CACNA1D: variants seen among roughly 807,000 people sequenced by gnomAD.
The protein encoded by CACNA1D is calcium voltage-gated channel subunit alpha1 D, also known as voltage-dependent L-type calcium channel subunit alpha-1D.
Under a neutral mutation model 257.1 loss-of-function variants are expected in CACNA1D, and 55 were observed. The observed-to-expected ratio is 0.21, with a 90% confidence interval of 0.17 to 0.27. The LOEUF (loss-of-function observed/expected upper bound fraction) is 0.27. Among genes scored for constraint, CACNA1D ranks in the 10% least tolerant of loss-of-function variants. The probability of loss-of-function intolerance (pLI) is 1.00; values close to 1 mark genes in which losing one functional copy is unlikely to be tolerated. For missense variants in CACNA1D, 1,876 were observed against 2,784.0 expected (o/e 0.67, Z 7.34); for synonymous variants, 980 against 1,014.9 (o/e 0.97, Z 0.65).
At chr3:53,685,440 ATTATAT>A (rs1438734776) in intron 8 of CACNA1D, among the ~76,000 whole-genome samples, 1 of 152,184 alleles carries the variant, frequency 6.6e-6, no homozygotes, top group Non-Finnish European at 1.5e-5. Flanking sequence ...TAATATCTAG[ATTATAT>A]TTAGATTGGT....
chr3:53,557,871 T>A (rs1299381568), intron 3 of CACNA1D, among the ~76,000 whole-genome samples: 1 of 152,244 alleles, frequency 6.6e-6, no homozygotes, highest in Non-Finnish European at 1.5e-5. Flanking sequence ...AATTTCAGAT[T>A]CAGCTTGCTG....
chr3:53,605,724 A>G (rs1316893594), intron 3 of CACNA1D, among the ~76,000 whole-genome samples: 1 of 152,218 alleles, frequency 6.6e-6, no homozygotes, highest in African/African-American at 2.4e-5. Context: ...GTCCTGTTTC[A>G]TGTTCACAGC....
intron 37 of CACNA1D, among the ~76,000 whole-genome samples, chr3:53,778,364 C>A (rs2095408778): frequency 6.6e-6 from 1 of 152,186 alleles, no homozygotes; most frequent in African/African-American, 2.4e-5. Context: ...GACTCAGGAA[C>A]TTACCAGGAA....
intron 20 of CACNA1D, 59 bp downstream of exon 20, chr3:53,735,562 C>A: frequency 6.3e-7 from 1 of 1,595,102 alleles, no homozygotes. Flanking sequence ...GGGCAGAGGC[C>A]ACTGTAGAGA....
chr3:53,532,966 A>G (rs1413515579), intron 3 of CACNA1D, among the ~76,000 whole-genome samples: 5 of 152,178 alleles, frequency 3.3e-5, no homozygotes, highest in Non-Finnish European at 5.9e-5. Flanking sequence ...TTCCTGTAAC[A>G]TTGGCCACAA....
intron 7 of CACNA1D, among the ~76,000 whole-genome samples, chr3:53,670,067 C>T (rs2094307851): frequency 6.6e-6 from 1 of 152,128 alleles, no homozygotes; most frequent in African/African-American, 2.4e-5. Context: ...GGTGTCTTGT[C>T]TTAGCACCAA....
chr3:53,598,038 G>A (rs1032599454), intron 3 of CACNA1D, among the ~76,000 whole-genome samples: 1 of 152,096 alleles, frequency 6.6e-6, no homozygotes. Context: ...GTTTTTCTAG[G>A]ACAGTATGAA....
chr3:53,623,708 GA>G (rs1327873775), intron 3 of CACNA1D, among the ~76,000 whole-genome samples: 1 of 152,122 alleles, frequency 6.6e-6, no homozygotes, highest in Non-Finnish European at 1.5e-5. Flanking sequence ...ATCAAATTCA[GA>G]AGAATACTTC....
chr3:53,568,179 T>A (rs1374962303), intron 3 of CACNA1D, among the ~76,000 whole-genome samples: 3 of 152,300 alleles, frequency 2.0e-5, no homozygotes, highest in African/African-American at 7.2e-5. Context: ...CAGACTTGCT[T>A]AGCTGCAGCT....
Position 53,811,334 on chromosome 3 carries a change from C to T in CACNA1D, c.6414C>T (p.Ser2138=), listed in dbSNP as rs748761511. The T allele has an allele frequency of 2.5e-5, 40 of 1,605,132 alleles. No homozygotes were observed. In the Admixed American group the frequency reaches 3.5e-4, roughly 14 times the overall value. ...TACAGGACTTTGGTCCTGGCTACAGCGACGAAGAGCCAGACCCTGGGAGGG... is the reference window on the plus strand; with the variant it reads ...TACAGGACTTTGGTCCTGGCTACAGTGACGAAGAGCCAGACCCTGGGAGGG... ...YELQDFGPGY[S]DEEPDPGRDE... Residue 2138 remains serine, a synonymous_variant, in exon 48 of 48, where the codon AGC becomes AGT. Coordinates refer to ENST00000350061, the MANE Select transcript of CACNA1D (RefSeq NM_001128840.3). This position sits in a 1 kb window ranked among gnomAD's most constrained non-coding sequence, Gnocchi z 4.2.
At chr3:53,572,619 C>T (rs1236844510) in intron 3 of CACNA1D, among the ~76,000 whole-genome samples, 1 of 152,034 alleles carries the variant, frequency 6.6e-6, no homozygotes, top group Non-Finnish European at 1.5e-5. Flanking sequence ...AGGCTGGTCT[C>T]GAACTCATAA....
intron 3 of CACNA1D, among the ~76,000 whole-genome samples, chr3:53,614,782 G>T (rs999879599): frequency 3.3e-5 from 5 of 152,190 alleles, no homozygotes; most frequent in Admixed American, 2.6e-4. Context: ...CTAGCAAGAT[G>T]CAGCTAACTT....
At chr3:53,698,122 C>G (rs932691433) in intron 8 of CACNA1D, among the ~76,000 whole-genome samples, 1 of 152,222 alleles carries the variant, frequency 6.6e-6, no homozygotes, top group African/African-American at 2.4e-5. Context: ...ACATATCAGC[C>G]TCTTTTAAAA....
intron 9 of CACNA1D, among the ~76,000 whole-genome samples, chr3:53,708,625 G>A (rs913376909): frequency 8.5e-5 from 13 of 152,208 alleles, no homozygotes; most frequent in African/African-American, 3.1e-4. Flanking sequence ...GCCCCACTGT[G>A]GAGACAAGGA....
In CACNA1D at chr3:53,666,562, G is replaced by C. The variant is rs775933541; in HGVS notation, c.1116+27G>C. 1.9e-6 allele frequency: 3 copies of C among 1,585,272 alleles called. No homozygotes were observed. In the South Asian group the frequency reaches 3.3e-5, roughly 18 times the overall value. On this transcript the variant is annotated intron_variant, in intron 7 of 47. Transcript: ENST00000350061. ...TAAGTACCCTGGGGAGAGAGTTTAT[G>C]GAGTGTTCTTTGCTTGGATAAGTGG...
chr3:53,712,116 AAGAAAAC>A (rs1025033267), intron 9 of CACNA1D, among the ~76,000 whole-genome samples: 2 of 152,252 alleles, frequency 1.3e-5, no homozygotes, highest in African/African-American at 4.8e-5. Flanking sequence ...GTCCCCAGAA[AAGAAAAC>A]ACCCCTCCTT....
In CACNA1D at chr3:53,669,881, G is replaced by C. The variant is rs72967870; in HGVS notation, c.1117-3142G>C. Among the ~76,000 whole-genome samples, 1,122 of 152,172 alleles carry C rather than the reference G, an allele frequency of 7.4e-3. 13 individuals carry two copies. The highest frequency in any genetic ancestry group is 0.026 in the African/African-American group (1,062 of 41,516). ...TTATTTAGCCTGGTTGTGTGACCTT[G>C]AGTAGTTCATGGAACCTCTCTGGGC... On this transcript the variant is annotated intron_variant, in intron 7 of 47. Transcript: ENST00000350061.
chr3:53,694,707 C>CT (rs998992631), intron 8 of CACNA1D, among the ~76,000 whole-genome samples: 9 of 152,070 alleles, frequency 5.9e-5, no homozygotes, highest in Admixed American at 3.3e-4. Flanking sequence ...AAATGAGGGG[C>CT]TTTTTTCTGT....
chr3:53,728,198 G>A (rs2094954561), intron 15 of CACNA1D, among the ~76,000 whole-genome samples: 1 of 152,134 alleles, frequency 6.6e-6, no homozygotes, highest in Non-Finnish European at 1.5e-5. Flanking sequence ...GAGTGCAGTG[G>A]TGCAATCTCG....
Sources: gnomAD v4.1 joint callset for allele counts (sites outside exome capture counted in the v4.1 genomes callset) on GRCh38, gnomAD v4.1.1 for gene constraint, Gnocchi (gnomAD v3.1) non-coding constraint, MANE v1.5 for transcripts, NCBI Gene and HGNC (gene_info 2026-07-23, HGNC 2026-07-21) for gene names.